The following TTN variants were observed in gnomAD, a reference collection of about 807,000 sequenced individuals.
TTN encodes the protein titin.
TTN carries 1,525 observed loss-of-function variants against 3,223.0 expected under a neutral mutation model. That is an observed-to-expected ratio of 0.47 (90% confidence interval 0.45 to 0.49). The LOEUF (loss-of-function observed/expected upper bound fraction) is 0.49. Among genes scored for constraint, TTN ranks in the 20% least tolerant of loss-of-function variants. The probability of loss-of-function intolerance (pLI) is 0.00; values close to 1 mark genes in which losing one functional copy is unlikely to be tolerated. For missense variants in TTN, 40,786 were observed against 43,424.0 expected (o/e 0.94, Z 5.40); for synonymous variants, 14,094 against 15,161.0 (o/e 0.93, Z 5.17).
Position 178,598,768 on chromosome 2 carries a change from G to T in TTN, c.56942C>A (p.Ala18981Glu). The change falls in exon 291 of 363, where the codon GCG becomes GAG. Residue 18981 changes from alanine (A) to glutamate (E), a missense_variant. By Grantham distance (107) the Ala-to-Glu change is moderately radical. Transcript: ENST00000589042. ...CTTACCAATTGGATCTCTAGCAGTC[G>T]CTGGGTCTGATGGCAGACTTGCTGG... Reference protein sequence around the residue: ...VGPASLPSDPATARDPIAPPG... With the variant: ...VGPASLPSDPETARDPIAPPG... 1.2e-6 allele frequency: 2 copies of T among 1,613,070 alleles called. No homozygotes were observed. The highest frequency in any genetic ancestry group is 1.7e-6 in the Non-Finnish European group (2 of 1,179,432).
chr2:178,554,321 AT>A, intron 332 of TTN, 105 bp from the exon 333 acceptor site: 3 of 1,444,746 alleles, frequency 2.1e-6, no homozygotes, highest in South Asian at 1.3e-5. Flanking sequence ...TATTTTTTAT[AT>A]TTTTCACCTT....
Position 178,777,134 on chromosome 2 carries a change from T to G in TTN, c.4814+15A>C, listed in dbSNP as rs1440259467. On this transcript the variant is annotated intron_variant, in intron 27 of 362. Coordinates refer to ENST00000589042, the MANE Select transcript of TTN (RefSeq NM_001267550.2). ...ATTTGTATAATGAGCTTAGCTTTAT[T>G]ATTTCCATACTTACCTGATTTTGGG... is the stretch of plus-strand genomic sequence containing the variant. 1 of 1,614,092 alleles carries G rather than the reference T, an allele frequency of 6.2e-7. No individual in the cohort carries two copies. Among genetic ancestry groups the G allele is most frequent in the Non-Finnish European group, 8.5e-7 (1 of 1,179,974 alleles).
chr2:178,731,711 C>G lies in TTN; in HGVS notation c.17164G>C (p.Ala5722Pro), dbSNP rs541256724. ...CACTAACCTCTTAAAGTCACCCTGG[C>G]ACTGCAGATGCTGCTGCCCACCTCA... ...TNEVGSSICS[A>P]RVTLREPPSF... The change falls in exon 58 of 363, where the codon GCC (alanine) becomes CCC (proline). Residue 5722 changes from alanine (A) to proline (P), a missense_variant. Ala to Pro is a conservative substitution (Grantham distance 27). Coordinates refer to ENST00000589042, the MANE Select transcript of TTN (RefSeq NM_001267550.2). 6.2e-7 allele frequency: 1 copy of G among 1,611,736 alleles called. No individual in the cohort carries two copies. Among genetic ancestry groups the G allele is most frequent in the Admixed American group, 1.7e-5 (1 of 59,980 alleles).
rs397517559 is a variant in TTN, at chr2:178,646,013, C to G, written c.40315G>C (p.Val13439Leu). 1 of 1,565,566 alleles carries G rather than the reference C, an allele frequency of 6.4e-7. No homozygotes were observed. Among genetic ancestry groups the G allele is most frequent in the Non-Finnish European group, 8.6e-7 (1 of 1,160,634 alleles). ...IPVKEPEPEK[V>L]IEKPKLKPRP... ...GGTTTGAGTTTTGGCTTCTCAATAA[C>G]CTTTTCAGGTTCAGGTTCTTGAAAG... Residue 13439 changes from valine to leucine, a missense_variant, in exon 217 of 363, where the codon GTT becomes CTT. Transcript: ENST00000589042.
At chr2:178,746,821 C>A in intron 47 of TTN, 1 of 1,613,342 alleles carries the variant, frequency 6.2e-7, no homozygotes, top group East Asian at 2.2e-5. Flanking sequence ...TTTCATATAC[C>A]TTCCTTTTGG....
chr2:178,567,464 G>T lies in TTN; in HGVS notation c.78668C>A (p.Pro26223His), dbSNP rs1706322297. 6.2e-7 allele frequency: 1 copy of T among 1,613,138 alleles called. No homozygotes were observed. Among genetic ancestry groups the T allele is most frequent in the African/African-American group, 1.3e-5 (1 of 75,002 alleles). ...LEADVHGKPL[P>H]TIEWLRGDKE... ...ATCTCCTCTTAACCACTCAATGGTA[G>T]GTAGGGGCTTTCCATGGACATCAGC... Residue 26223 changes from proline to histidine, a missense_variant, in exon 326 of 363, where the codon CCT (proline) becomes CAT (histidine). Physicochemically the swap from Pro to His is moderately conservative, Grantham distance 77 (BLOSUM62 -2). Coordinates refer to ENST00000589042, the MANE Select transcript of TTN (RefSeq NM_001267550.2).
At chr2:178,758,415 A>G (rs4894037) in intron 44 of TTN, among the ~76,000 whole-genome samples, 16,567 of 152,124 alleles carry the variant, frequency 0.11, 1,360 homozygotes, top group Admixed American at 0.28. Context: ...CAAATTCCCC[A>G]TGTTACTGAG....
rs754389988 is a variant in TTN, at chr2:178,739,633, CTTCAGTTGAGATCA to C, written c.13586_13599del (p.Leu4529ArgfsTer6). ...CTTTGCACGTTAAAATAACTGACCT[CTTCAGTTGAGATCA>C]GATATTTAGATTCAACTTCTGGTTC... is the stretch of plus-strand genomic sequence containing the variant. On this transcript the variant is annotated frameshift_variant, in exon 48 of 363. Transcript: ENST00000589042. LOFTEE classifies it high-confidence loss of function. The C allele has an allele frequency of 6.2e-7, 1 of 1,613,868 alleles. No homozygotes were observed.
chr2:178,729,531 C>T lies in TTN; in HGVS notation c.18625G>A (p.Glu6209Lys), dbSNP rs751253663. ...TCCACGTCACTATATTTTACTACCT[C>T]CACAGGCTTCAGCTCTCTGATAAAG... ...PTFIRELKPVEVVKYSDVELE... is the reference protein window; with the variant it reads ...PTFIRELKPVKVVKYSDVELE... Residue 6209 changes from glutamate (E) to lysine (K), a missense_variant, in exon 64 of 363, where the codon GAG (glutamate) becomes AAG (lysine). Transcript: ENST00000589042. 1 of 1,613,484 alleles carries T rather than the reference C, an allele frequency of 6.2e-7. No homozygotes were observed. The highest frequency in any genetic ancestry group is 1.1e-5 in the South Asian group (1 of 91,056).
Position 178,539,489 on chromosome 2 carries a change from C to A in TTN, c.98576G>T (p.Gly32859Val). Reference protein sequence around the residue: ...RVRGTSLVVKGLKENVEYHFR... With the variant: ...RVRGTSLVVKVLKENVEYHFR... ...ATGGTATTCTACATTCTCTTTGAGG[C>A]CTTTTACCACCAGAGATGTACCTCG... The change falls in exon 352 of 363, where the codon GGC becomes GTC. Residue 32859 changes from glycine to valine, a missense_variant. Physicochemically the swap from Gly to Val is moderately radical, Grantham distance 109. Coordinates refer to ENST00000589042, the MANE Select transcript of TTN (RefSeq NM_001267550.2). The A allele has an allele frequency of 6.2e-7, 1 of 1,613,768 alleles. No homozygotes were observed. The highest frequency in any genetic ancestry group is 8.5e-7 in the Non-Finnish European group (1 of 1,179,788).
At chr2:178,742,393 C>T (rs945490126) in intron 47 of TTN, among the ~76,000 whole-genome samples, 5 of 152,044 alleles carry the variant, frequency 3.3e-5, no homozygotes, top group African/African-American at 1.2e-4. Flanking sequence ...TAATTACTGC[C>T]TCTAAAGTCA....
rs571007874 is a variant in TTN at position 178,749,934 on chromosome 2, C to G, written c.11311+3190G>C. The G allele has an allele frequency of 1.1e-5, 17 of 1,613,130 alleles. No homozygotes were observed. The East Asian group carries it at 3.8e-4, about 36-fold the overall frequency. ...ATTTCTTGTAACATTTTTGGTGGTTCATTAGTAATATCAGACAAAAATACA... is the reference window on the plus strand; with the variant it reads ...ATTTCTTGTAACATTTTTGGTGGTTGATTAGTAATATCAGACAAAAATACA... On this transcript the variant is annotated intron_variant, in intron 47 of 362. Transcript: ENST00000589042.
intron 47 of TTN, chr2:178,747,944 G>T (rs1177836602): frequency 6.2e-6 from 10 of 1,612,944 alleles, no homozygotes; most frequent in African/African-American, 1.3e-5. Context: ...GAGTGTGTCA[G>T]CTTCCTGAAC....
rs201091376 is a variant in TTN, at chr2:178,566,249, C to T, written c.79883G>A (p.Arg26628Gln). The T allele has an allele frequency of 1.4e-4, 223 of 1,613,674 alleles. 4 individuals are homozygous for T. The South Asian group carries it at 2.2e-3, about 16-fold the overall frequency. ...CTTATCTGTGAATTCACCTTCCTCT[C>T]GAGACCAAGTGATCTCAGGCGTTGG... is the stretch of plus-strand genomic sequence containing the variant. The part of the protein sequence containing the change: ...GRPTPEITWS[R>Q]EEGEFTDKVQ... Residue 26628 changes from arginine to glutamine, a missense_variant, in exon 326 of 363, where the codon CGA becomes CAA. By Grantham distance (43) the Arg-to-Gln change is conservative. Transcript: ENST00000589042.
At chr2:178,744,146 G>C (rs928581775) in intron 47 of TTN, among the ~76,000 whole-genome samples, 9 of 151,934 alleles carry the variant, frequency 5.9e-5, no homozygotes, top group African/African-American at 2.2e-4. Context: ...ATTAAAATTA[G>C]CATTTTAAAT....
At position 178,735,948 on chromosome 2, in the gene TTN, G is replaced by A. The variant is rs1284562529; in HGVS notation, c.14498C>T (p.Ala4833Val). Reference sequence around the variant, plus strand: ...CCAGTTAGGTGAAGGTGAGAGTGCAGCACCATCTTTCTGCCAAATGGTTTC... The same window carrying A: ...CCAGTTAGGTGAAGGTGAGAGTGCAACACCATCTTTCTGCCAAATGGTTTC... The part of the protein sequence containing the change: ...VIETIWQKDG[A>V]ALSPSPNWRI... The change falls in exon 50 of 363, where the codon GCT becomes GTT. Residue 4833 changes from alanine (A) to valine (V), a missense_variant. Physicochemically the swap from Ala to Val is moderately conservative, Grantham distance 64. Transcript: ENST00000589042. 3 of 1,613,866 alleles carry A rather than the reference G, an allele frequency of 1.9e-6. No homozygotes were observed. Among genetic ancestry groups the A allele is most frequent in the Non-Finnish European group, 2.5e-6 (3 of 1,179,806 alleles).
intron 243 of TTN, 129 bp downstream of exon 243, chr2:178,622,541 C>T (rs2058448756): frequency 1.5e-6 from 1 of 681,602 alleles, no homozygotes; most frequent in Admixed American, 3.1e-5. Context: ...TTTTATACTA[C>T]AATTATCTTT....
chr2:178,650,386 T>G, intron 209 of TTN, 115 bp from the exon 210 acceptor site: 2 of 1,004,480 alleles, frequency 2.0e-6, no homozygotes, highest in Non-Finnish European at 2.9e-6. Context: ...AATTGATACC[T>G]TCTCTTATTT....
intron 119 of TTN, among the ~76,000 whole-genome samples, chr2:178,693,089 G>A (rs974643739): frequency 2.6e-5 from 4 of 151,936 alleles, no homozygotes; most frequent in Admixed American, 6.6e-5. Flanking sequence ...TCCTGGAGTT[G>A]GAAAGAGATG....
Sources: allele counts gnomAD v4.1 joint callset (sites outside exome capture counted in the v4.1 genomes callset), GRCh38; gene constraint gnomAD v4.1.1; transcripts MANE v1.5; gene names NCBI Gene and HGNC (gene_info 2026-07-23, HGNC 2026-07-21).